RANBP17: variants seen among roughly 807,000 people sequenced by gnomAD.
RANBP17 encodes RAN binding protein 17, also known as ran-binding protein 17.
A neutral mutation model predicts 141.2 loss-of-function variants in RANBP17; 158 were observed. That is an observed-to-expected ratio of 1.12 (90% CI 0.98 to 1.28). The LOEUF (loss-of-function observed/expected upper bound fraction) is 1.28. Ranked by LOEUF, RANBP17 falls within the 50% of genes most tolerant of loss-of-function variation. RANBP17 has a pLI of 0.00. For missense variants in RANBP17, 1,438 were observed against 1,290.7 expected, an observed-to-expected ratio of 1.11 and a Z score of -1.75; for synonymous variants, 430 against 450.0, an observed-to-expected ratio of 0.96 and a Z score of 0.56.
Position 171,171,262 on chromosome 5 carries a change from A to T in RANBP17, c.1841A>T (p.Gln614Leu). The change falls in exon 16 of 28, where the codon CAG becomes CTG. Residue 614 changes from glutamine to leucine, a missense_variant. Coordinates refer to ENST00000523189, the MANE Select transcript of RANBP17 (RefSeq NM_022897.5). ...GAGCCTGTAATTTCAAGGACTCTTC[A>T]GTTCCTAAATGACCTTTCTGTTGGA... ...RYEPVISRTL[Q>L]FLNDLSVGYI... 6.3e-7 allele frequency: 1 copy of T among 1,596,380 alleles called. No individual in the cohort carries two copies. The highest frequency in any genetic ancestry group is 8.6e-7 in the Non-Finnish European group (1 of 1,167,266).
intron 5 of RANBP17, among the ~76,000 whole-genome samples, chr5:170,900,007 GTA>G (rs911228693): frequency 2.2e-4 from 34 of 152,138 alleles, no homozygotes; most frequent in African/African-American, 8.2e-4. Flanking sequence ...CCAGGATTTG[GTA>G]TCAGGATGAT....
chr5:171,252,708 G>A, intron 24 of RANBP17: 2 of 1,455,488 alleles, frequency 1.4e-6, no homozygotes, highest in Non-Finnish European at 1.9e-6. Flanking sequence ...CAGACAGAAT[G>A]TACAGCCTTG....
intron 14 of RANBP17, among the ~76,000 whole-genome samples, chr5:170,993,583 A>G (rs1314131542): frequency 2.0e-5 from 3 of 152,090 alleles, no homozygotes; most frequent in Non-Finnish European, 4.4e-5. Flanking sequence ...AGACAATGAG[A>G]ATAATGGTAC....
chr5:171,077,999 A>G (rs1239859201), intron 14 of RANBP17, among the ~76,000 whole-genome samples: 11 of 152,240 alleles, frequency 7.2e-5, no homozygotes, highest in Non-Finnish European at 2.9e-5. Flanking sequence ...GAAAGAAGCC[A>G]TCTCCGTAAC....
intron 14 of RANBP17, among the ~76,000 whole-genome samples, chr5:171,093,415 A>G (rs767153660): frequency 3.9e-5 from 6 of 152,142 alleles, no homozygotes; most frequent in African/African-American, 7.2e-5. Context: ...CACACACGAT[A>G]TAATAGCTGA....
At chr5:171,154,985 G>C (rs1194653016) in intron 14 of RANBP17, among the ~76,000 whole-genome samples, 15 of 150,914 alleles carry the variant, frequency 9.9e-5, no homozygotes, top group African/African-American at 3.7e-4. Context: ...GGCTGAGACA[G>C]GAGAATGGCT....
chr5:171,278,300 T>C (rs1439083094), intron 25 of RANBP17, among the ~76,000 whole-genome samples: 6 of 151,976 alleles, frequency 3.9e-5, no homozygotes. Flanking sequence ...GGGTGGATCA[T>C]GAGGTCAGGA....
chr5:170,924,244 C>A, intron 11 of RANBP17, 113 bp from the exon 12 acceptor site: 1 of 679,490 alleles, frequency 1.5e-6, no homozygotes, highest in Non-Finnish European at 2.3e-6. Flanking sequence ...AACCTCCTGC[C>A]TCTGTCTTTT....
At position 171,071,653 on chromosome 5, in the gene RANBP17, C is replaced by CAAAAAAAAAAAAAAAAAAAA. The variant is rs34555837; in HGVS notation, c.1711-98475_1711-98456dup. Among the ~76,000 whole-genome samples, 2 of 69,618 alleles carry CAAAAAAAAAAAAAAAAAAAA rather than the reference C, an allele frequency of 2.9e-5. 1 individual carries two copies. 45.7% of individuals were successfully genotyped at this position (69,618 alleles called of 152,430 possible). On this transcript the variant is annotated intron_variant, in intron 14 of 27. Transcript: ENST00000523189. ...TACTGGAACAATGAACAGCTTTATG[C>CAAAAAAAAAAAAAAAAAAAA]AAAAAAAAAAAAAAAAAAAAAGACC...
chr5:171,027,598 TTAA>T (rs901975527), intron 14 of RANBP17, among the ~76,000 whole-genome samples: 18 of 151,836 alleles, frequency 1.2e-4, no homozygotes, highest in South Asian at 4.1e-4. Context: ...CATATTATAA[TTAA>T]TAATAATAAT....
chr5:170,980,523 C>T (rs1223540250), intron 14 of RANBP17, among the ~76,000 whole-genome samples: 4 of 152,154 alleles, frequency 2.6e-5, no homozygotes, highest in South Asian at 2.1e-4. Context: ...TGCCCTGTGT[C>T]GCAGCTGCTC....
chr5:170,878,065 G>T, intron 1 of RANBP17, 32 bp from the exon 2 acceptor site: 2 of 1,490,008 alleles, frequency 1.3e-6, no homozygotes, highest in South Asian at 1.3e-5. Flanking sequence ...TTTTTTCATT[G>T]AAGTAAAATG....
intron 1 of RANBP17, among the ~76,000 whole-genome samples, chr5:170,867,358 A>G (rs745325460): frequency 4.6e-5 from 7 of 152,236 alleles, no homozygotes; most frequent in Non-Finnish European, 8.8e-5. Context: ...CTGAAAATAC[A>G]TACTTCACAA....
rs1035981734 is a variant in RANBP17 at position 171,171,188 on chromosome 5, A to T, written c.1785-18A>T. 1.4e-6 allele frequency: 2 copies of T among 1,391,284 alleles called. No homozygotes were observed. Among genetic ancestry groups the T allele is most frequent in the Non-Finnish European group, 2.0e-6 (2 of 994,246 alleles). 86.2% of individuals were successfully genotyped at this position (1,391,284 alleles called of 1,614,324 possible). ...GCAAATATCTTACTTATAATTAAAG[A>T]CTTTTTTTCATATTTAGTGTTACAA... On this transcript the variant is annotated intron_variant, in intron 15 of 27. Coordinates refer to ENST00000523189, the MANE Select transcript of RANBP17 (RefSeq NM_022897.5).
At chr5:171,230,278 T>C (rs1410555449) in intron 22 of RANBP17, among the ~76,000 whole-genome samples, 1 of 152,090 alleles carries the variant, frequency 6.6e-6, no homozygotes, top group Non-Finnish European at 1.5e-5. Flanking sequence ...AGAATAAGGC[T>C]CAGAAGTTTT....
intron 14 of RANBP17, among the ~76,000 whole-genome samples, chr5:171,131,352 G>C (rs1464310304): frequency 6.6e-6 from 1 of 152,244 alleles, no homozygotes; most frequent in East Asian, 1.9e-4. Context: ...GCAAATAATG[G>C]GATTCCTGTA....
rs575602222 is a variant in RANBP17 at position 170,892,069 on chromosome 5, C to T, written c.257-318C>T. ...TTTTTGTCACAGCATGTCATTGCCACCTCTTTTTCTGTTTTTTGTAACAAA... is the reference window on the plus strand; with the variant it reads ...TTTTTGTCACAGCATGTCATTGCCATCTCTTTTTCTGTTTTTTGTAACAAA... On this transcript the variant is annotated intron_variant, in intron 3 of 27. Coordinates refer to ENST00000523189, the MANE Select transcript of RANBP17 (RefSeq NM_022897.5). Among the ~76,000 whole-genome samples the T allele has an allele frequency of 9.2e-5, 14 of 151,888 alleles. No individual in the cohort carries two copies. The East Asian group carries it at 2.5e-3, about 27-fold the overall frequency.
chr5:171,089,279 C>CAG (rs1561641466), intron 14 of RANBP17, among the ~76,000 whole-genome samples: 13 of 83,410 alleles, frequency 1.6e-4, no homozygotes, highest in African/African-American at 4.4e-4. Context: ...TCGGGGGTCA[C>CAG]GGGTCAGGGA....
At chr5:171,284,018 A>G (rs1246467975) in intron 25 of RANBP17, among the ~76,000 whole-genome samples, 1 of 152,198 alleles carries the variant, frequency 6.6e-6, no homozygotes, top group Non-Finnish European at 1.5e-5. Flanking sequence ...AAGTACGATA[A>G]TAATTGGGAA....
Sources: gnomAD v4.1 joint callset for allele counts (sites outside exome capture counted in the v4.1 genomes callset) on GRCh38, gnomAD v4.1.1 for gene constraint, MANE v1.5 for transcripts, NCBI Gene and HGNC (gene_info 2026-07-23, HGNC 2026-07-21) for gene names.